PIK3R4: variants seen among roughly 807,000 people sequenced by gnomAD.
PIK3R4 encodes phosphoinositide 3-kinase regulatory subunit 4.
In PIK3R4, 46 loss-of-function variants were observed where a neutral mutation model predicts 136.5. The observed-to-expected ratio is 0.34, with a 90% confidence interval of 0.27 to 0.43. The LOEUF is 0.43. Ranked by LOEUF, PIK3R4 falls within the 20% of genes least tolerant of loss-of-function variation. The pLI is 1.00. For synonymous variants in PIK3R4, 557 were observed against 566.7 expected (o/e 0.98, Z 0.24); for missense variants, 1,331 against 1,649.5 (o/e 0.81, Z 3.35).
At chr3:130,707,243 C>T in intron 10 of PIK3R4, 108 bp from the exon 11 acceptor site, 1 of 566,618 alleles carries the variant, frequency 1.8e-6, no homozygotes, top group Non-Finnish European at 2.9e-6. Flanking sequence ...TAGCAATACA[C>T]TTCATATTCT....
At chr3:130,692,170 T>G (rs767805898) in intron 13 of PIK3R4, among the ~76,000 whole-genome samples, 3 of 152,144 alleles carry the variant, frequency 2.0e-5, no homozygotes, top group Non-Finnish European at 4.4e-5. Context: ...CCACCACACC[T>G]GGCCTAGTTG....
At chr3:130,683,668 C>A (rs56277445) in intron 16 of PIK3R4, among the ~76,000 whole-genome samples, 44,670 of 151,972 alleles carry the variant, frequency 0.29, 7,596 homozygotes, top group African/African-American at 0.46. Flanking sequence ...AGGGGAAAAC[C>A]TAAGAATAAT....
chr3:130,739,767 TTGACCAGA>T (rs1221752250), intron 2 of PIK3R4, among the ~76,000 whole-genome samples: 3 of 152,316 alleles, frequency 2.0e-5, no homozygotes, highest in Middle Eastern at 3.4e-3. Flanking sequence ...TGGGAAGACT[TTGACCAGA>T]TGATTAAAAT....
chr3:130,680,413 ATTAC>A (rs58418886), intron 19 of PIK3R4, 196 bp downstream of exon 19: 8 of 377,558 alleles, frequency 2.1e-5, no homozygotes, highest in Non-Finnish European at 3.4e-5. Flanking sequence ...CATTTGAGCT[ATTAC>A]TTATATGCAC....
chr3:130,706,522 G>C (rs577457253), intron 11 of PIK3R4, among the ~76,000 whole-genome samples: 1 of 152,278 alleles, frequency 6.6e-6, no homozygotes, highest in East Asian at 1.9e-4. Flanking sequence ...GTTAAGTCAG[G>C]AATGATCTGT....
chr3:130,699,300 A>G (rs2066563842), intron 13 of PIK3R4, among the ~76,000 whole-genome samples: 2 of 152,220 alleles, frequency 1.3e-5, no homozygotes, highest in Non-Finnish European at 2.9e-5. Context: ...AGAACAAGGT[A>G]TGGGCCAAGT....
chr3:130,691,108 C>T (rs147631336), intron 13 of PIK3R4, among the ~76,000 whole-genome samples: 38 of 152,160 alleles, frequency 2.5e-4, no homozygotes, highest in African/African-American at 8.4e-4. Context: ...GTTGCCCAGG[C>T]TGGTTTTGAA....
chr3:130,708,188 T>C, intron 10 of PIK3R4, 103 bp downstream of exon 10: 1 of 914,074 alleles, frequency 1.1e-6, no homozygotes, highest in Non-Finnish European at 1.7e-6. Flanking sequence ...AAGTTCTTTA[T>C]CTGTGAAATG....
chr3:130,704,935 A>C lies in PIK3R4; in HGVS notation c.2932+626T>G, dbSNP rs147598399. On this transcript the variant is annotated intron_variant, in intron 12 of 19. Transcript: ENST00000356763. ...AACCTCTACCTCCCAGGTTCAAGCA[A>C]TTCTCTTGCCTTAGCCTCCGGAGTA... Among the ~76,000 whole-genome samples, 522 of 152,212 alleles carry C rather than the reference A, an allele frequency of 3.4e-3. 1 individual carries two copies. Among genetic ancestry groups the C allele is most frequent in the Non-Finnish European group, 3.9e-3 (265 of 68,014 alleles).
At chr3:130,696,255 T>C (rs79301961) in intron 13 of PIK3R4, among the ~76,000 whole-genome samples, 1 of 151,762 alleles carries the variant, frequency 6.6e-6, no homozygotes. Context: ...TTTTTTTTTT[T>C]CTATTCTCTA....
intron 8 of PIK3R4, 30 bp downstream of exon 8, chr3:130,718,359 A>C: frequency 6.3e-7 from 1 of 1,595,170 alleles, no homozygotes. Context: ...GTTTGGAGGA[A>C]AGACTGACTC....
At chr3:130,702,320 T>C (rs771921885) in intron 13 of PIK3R4, among the ~76,000 whole-genome samples, 4 of 152,154 alleles carry the variant, frequency 2.6e-5, no homozygotes, top group Non-Finnish European at 5.9e-5. Flanking sequence ...TAGTAAAATG[T>C]TGACCAAAAA....
At chr3:130,743,671 T>C (rs1310834793) in intron 2 of PIK3R4, among the ~76,000 whole-genome samples, 2 of 152,102 alleles carry the variant, frequency 1.3e-5, no homozygotes, top group Non-Finnish European at 2.9e-5. Context: ...ATCTACTAAT[T>C]ATCTCTTAAG....
Position 130,746,492 on chromosome 3 carries a change from T to A in PIK3R4, c.-221A>T, listed in dbSNP as rs944662731. 14 of 152,056 alleles carry A rather than the reference T, an allele frequency of 9.2e-5. No individual in the cohort carries two copies. The highest frequency in any genetic ancestry group is 3.4e-4 in the African/African-American group (14 of 41,312). The allele number at this position is 152,056 out of a possible 1,614,324, so 9.4% of individuals were successfully genotyped here. A position where few individuals can be genotyped will look rare whatever the true frequency, so the allele number is the denominator to read the frequency against. On this transcript the variant is annotated 5_prime_UTR_variant, in exon 1 of 20. Transcript: ENST00000356763. ...GTGGAGGGGCGCAGAAAAGTCCCGATCTTCAGGAACCCCGGTGGTCCTGGG... is the reference window on the plus strand; with the variant it reads ...GTGGAGGGGCGCAGAAAAGTCCCGAACTTCAGGAACCCCGGTGGTCCTGGG...
intron 2 of PIK3R4, among the ~76,000 whole-genome samples, chr3:130,739,165 C>CT (rs1297118932): frequency 2.0e-5 from 3 of 152,236 alleles, no homozygotes; most frequent in African/African-American, 4.8e-5. Context: ...CAAGCTCCGC[C>CT]TCCCTGGTTC....
intron 9 of PIK3R4, among the ~76,000 whole-genome samples, chr3:130,709,461 C>G (rs2066622795): frequency 6.6e-6 from 1 of 151,974 alleles, no homozygotes; most frequent in African/African-American, 2.4e-5. Context: ...TAAAACCAAC[C>G]CTAGGAGGGC....
At chr3:130,727,050 C>CCGGG (rs2066735643) in intron 6 of PIK3R4, among the ~76,000 whole-genome samples, 4 of 152,212 alleles carry the variant, frequency 2.6e-5, no homozygotes, top group Non-Finnish European at 5.9e-5. Context: ...CCAAAAATAA[C>CCGGG]CGGGAATTTG....
At chr3:130,689,965 T>C (rs2107601595) in intron 14 of PIK3R4, among the ~76,000 whole-genome samples, 1 of 152,284 alleles carries the variant, frequency 6.6e-6, no homozygotes, top group Non-Finnish European at 1.5e-5. Flanking sequence ...AAAATAAACA[T>C]TCTTAAATAA....
intron 2 of PIK3R4, among the ~76,000 whole-genome samples, chr3:130,742,637 C>T (rs561366917): frequency 1.3e-5 from 2 of 152,272 alleles, no homozygotes; most frequent in East Asian, 3.9e-4. Flanking sequence ...TAGGTGCAAT[C>T]CTGAATAACA....
Sources: allele counts gnomAD v4.1 joint callset (sites outside exome capture counted in the v4.1 genomes callset), GRCh38; gene constraint gnomAD v4.1.1; transcripts MANE v1.5; gene names NCBI Gene and HGNC (gene_info 2026-07-23, HGNC 2026-07-21).